The following DENND5B variants were observed in gnomAD, a reference collection of about 807,000 sequenced individuals.
DENND5B encodes DENN domain-containing protein 5B.
In DENND5B, 34 loss-of-function variants were observed where a neutral mutation model predicts 140.6. The ratio of observed to expected loss-of-function variants is 0.24; its 90% CI spans 0.18 to 0.32. DENND5B has a LOEUF of 0.32. Ranked by LOEUF, DENND5B falls within the 10% of genes least tolerant of loss-of-function variation. DENND5B has a pLI of 1.00. For synonymous variants in DENND5B, 551 were observed against 562.1 expected (o/e 0.98, Z 0.28); for missense variants, 1,142 against 1,560.2 (o/e 0.73, Z 4.52).
At chr12:31,470,065 A>G (rs1945473412) in intron 3 of DENND5B, among the ~76,000 whole-genome samples, 1 of 149,648 alleles carries the variant, frequency 6.7e-6, no homozygotes, top group African/African-American at 2.5e-5. Flanking sequence ...CCTCGACCTC[A>G]GCCTCCCAAG....
At position 31,415,045 on chromosome 12, in the gene DENND5B, G is replaced by A. The variant is rs532616168; in HGVS notation, c.2552+322C>T. ...CAGAAGGATTGCTTGAGCCTGGGAA[G>A]TTGAGGCTGCAGGGAGTGGTGATTG... On this transcript the variant is annotated intron_variant, in intron 12 of 20. Transcript: ENST00000389082. Among the ~76,000 whole-genome samples the A allele has an allele frequency of 1.4e-4, 22 of 152,110 alleles. 1 individual carries two copies. Among genetic ancestry groups the A allele is most frequent in the Admixed American group, 1.1e-3 (17 of 15,258 alleles).
intron 1 of DENND5B, among the ~76,000 whole-genome samples, chr12:31,540,663 C>T (rs1330775978): frequency 7.0e-6 from 1 of 142,988 alleles, no homozygotes; most frequent in African/African-American, 2.6e-5. Flanking sequence ...CGCCCCCCAA[C>T]CCCCCCACCA....
chr12:31,475,125 A>C (rs961667991), intron 3 of DENND5B, among the ~76,000 whole-genome samples: 2 of 152,172 alleles, frequency 1.3e-5, no homozygotes, highest in Admixed American at 1.3e-4. Flanking sequence ...CAAAAAATGC[A>C]CAACAGCACT....
intron 13 of DENND5B, among the ~76,000 whole-genome samples, chr12:31,411,718 A>G (rs1942471784): frequency 6.6e-6 from 1 of 152,174 alleles, no homozygotes; most frequent in African/African-American, 2.4e-5. Flanking sequence ...GCTATATGCA[A>G]CACTTCATGC....
intron 11 of DENND5B, among the ~76,000 whole-genome samples, chr12:31,417,381 AT>A (rs1344970946): frequency 1.9e-4 from 29 of 150,156 alleles, no homozygotes; most frequent in Non-Finnish European, 7.4e-5. Context: ...AAAAAAAAAA[AT>A]CTAAGATTTC....
chr12:31,581,132 G>A (rs1023495449), intron 1 of DENND5B, among the ~76,000 whole-genome samples: 1 of 151,696 alleles, frequency 6.6e-6, no homozygotes, highest in Non-Finnish European at 1.5e-5. Context: ...ACAAATAAAT[G>A]TAATATTTAT....
intron 1 of DENND5B, among the ~76,000 whole-genome samples, chr12:31,581,126 A>T (rs1217131025): frequency 6.6e-6 from 1 of 152,120 alleles, no homozygotes. Context: ...AAATAAACAA[A>T]TAAATGTAAT....
chr12:31,496,459 A>G (rs1363311596), intron 1 of DENND5B, among the ~76,000 whole-genome samples: 1 of 152,228 alleles, frequency 6.6e-6, no homozygotes, highest in Non-Finnish European at 1.5e-5. Flanking sequence ...CCTGTTTAGT[A>G]GACAGAACAC....
chr12:31,474,945 T>A (rs997678782), intron 3 of DENND5B, among the ~76,000 whole-genome samples: 1 of 152,194 alleles, frequency 6.6e-6, no homozygotes, highest in Non-Finnish European at 1.5e-5. Context: ...AAAATAAATA[T>A]TGAGACAGAT....
intron 13 of DENND5B, among the ~76,000 whole-genome samples, 154 bp from the exon 14 acceptor site, chr12:31,409,538 G>A (rs1942329807): frequency 7.0e-6 from 1 of 142,714 alleles, no homozygotes; most frequent in African/African-American, 2.6e-5. Flanking sequence ...GAGTGCAATG[G>A]TGCAATCTCA....
intron 19 of DENND5B, among the ~76,000 whole-genome samples, chr12:31,389,944 G>C (rs547107865): frequency 1.3e-5 from 2 of 151,598 alleles, no homozygotes; most frequent in East Asian, 3.9e-4. Flanking sequence ...GACAAAGAGA[G>C]ATATATGTAT....
chr12:31,388,706 T>C (rs1940971934), intron 20 of DENND5B, among the ~76,000 whole-genome samples: 1 of 152,214 alleles, frequency 6.6e-6, no homozygotes, highest in Non-Finnish European at 1.5e-5. Context: ...TTAAAAGTAA[T>C]GGATTGTATC....
intron 8 of DENND5B, among the ~76,000 whole-genome samples, chr12:31,429,073 C>T (rs1943386512): frequency 6.6e-6 from 1 of 151,372 alleles, no homozygotes; most frequent in Non-Finnish European, 1.5e-5. Flanking sequence ...GGGGTTTCAT[C>T]ATGTTGGTCA....
At chr12:31,588,637 C>T (rs1248159164) in intron 1 of DENND5B, among the ~76,000 whole-genome samples, 2 of 152,188 alleles carry the variant, frequency 1.3e-5, no homozygotes, top group African/African-American at 4.8e-5. Context: ...ACAAATGCTA[C>T]AACATTTTAT....
intron 3 of DENND5B, among the ~76,000 whole-genome samples, chr12:31,466,770 A>G (rs1295398334): frequency 6.6e-6 from 1 of 152,196 alleles, no homozygotes; most frequent in Non-Finnish European, 1.5e-5. Context: ...CATGAATGCA[A>G]TATTTACAAA....
chr12:31,439,899 T>C (rs1943952185), intron 7 of DENND5B, among the ~76,000 whole-genome samples: 1 of 112,816 alleles, frequency 8.9e-6, no homozygotes, highest in African/African-American at 3.4e-5. Flanking sequence ...CATTGCACTC[T>C]GGCCTGGGCA....
chr12:31,587,880 G>C (rs1950451520), intron 1 of DENND5B, among the ~76,000 whole-genome samples: 1 of 152,012 alleles, frequency 6.6e-6, no homozygotes, highest in Non-Finnish European at 1.5e-5. Context: ...CTCCCTAACT[G>C]GTCTCTTGCC....
At chr12:31,442,421 A>G (rs1944077198) in intron 7 of DENND5B, among the ~76,000 whole-genome samples, 1 of 152,232 alleles carries the variant, frequency 6.6e-6, no homozygotes. Flanking sequence ...TCTTTGTTAT[A>G]GCAGCCCTAG....
rs762346220 is a variant in DENND5B at position 31,470,111 on chromosome 12, C to CTTTT, written c.904+9474_904+9477dup. 1.1e-4 allele frequency among the ~76,000 whole-genome samples: 12 copies of CTTTT among 105,912 alleles called. 1 individual carries two copies. The highest frequency in any genetic ancestry group is 3.3e-4 in the South Asian group (1 of 3,014). The allele number at this position is 105,912 out of a possible 152,430, so 69.5% of individuals were successfully genotyped here. On this transcript the variant is annotated intron_variant, in intron 3 of 20. Transcript: ENST00000389082. ...TACAGGCATACACTACCATGTCTGG[C>CTTTT]TTTTTTTTTTTTTTTTTCTTTGGAG...
Sources: allele counts gnomAD v4.1 joint callset (sites outside exome capture counted in the v4.1 genomes callset), GRCh38; gene constraint gnomAD v4.1.1; transcripts MANE v1.5; gene names NCBI Gene and HGNC (gene_info 2026-07-23, HGNC 2026-07-21).